GRIK3: variants seen among roughly 807,000 people sequenced by gnomAD.
The protein encoded by GRIK3 is glutamate ionotropic receptor kainate type subunit 3.
In GRIK3, 29 loss-of-function variants were observed where a neutral mutation model predicts 102.5. The ratio of observed to expected loss-of-function variants is 0.28; its 90% CI spans 0.21 to 0.39. The LOEUF is 0.39. GRIK3 is among the 10% of genes least tolerant of loss of function. The pLI, the probability that GRIK3 is intolerant of heterozygous loss-of-function variation, is 1.00. For missense variants in GRIK3, 908 were observed against 1,252.4 expected (o/e 0.73, Z 4.15); for synonymous variants, 511 against 504.9 (o/e 1.01, Z -0.16).
At position 36,891,511 on chromosome 1, in the gene GRIK3, A is replaced by G. The variant is rs184861406; in HGVS notation, c.116-415T>C. ...ATCAATAGTTCAAATAAGAAAAAAA[A>G]TATAATCAACTCACAAAATGCAAGA... On this transcript the variant is annotated intron_variant, in intron 1 of 15. Coordinates refer to ENST00000373091, the MANE Select transcript of GRIK3 (RefSeq NM_000831.4). Among the ~76,000 whole-genome samples, 149 of 152,380 alleles carry G rather than the reference A, an allele frequency of 9.8e-4. 1 individual carries two copies. The highest frequency in any genetic ancestry group is 3.6e-3 in the African/African-American group (148 of 41,592).
chr1:36,949,564 C>T (rs1181926356), intron 1 of GRIK3, among the ~76,000 whole-genome samples: 1 of 146,044 alleles, frequency 6.8e-6, no homozygotes, highest in African/African-American at 2.6e-5. Flanking sequence ...TTCTTTCTCT[C>T]TCTCTCTTTC....
chr1:36,967,935 C>T (rs72670044), intron 1 of GRIK3, among the ~76,000 whole-genome samples: 353 of 152,290 alleles, frequency 2.3e-3, no homozygotes, highest in Non-Finnish European at 3.8e-3. Flanking sequence ...GTAAGCCTGT[C>T]CTGAAGGACC....
rs1160200108 is a variant in GRIK3 at position 36,850,006 on chromosome 1, C to G, written c.1326+305G>C. On this transcript the variant is annotated intron_variant, in intron 9 of 15. Transcript: ENST00000373091. The surrounding 1 kb of genome is among the most constrained non-coding windows in gnomAD (Gnocchi z 4.0). ...CTGGGGTGGGAGAGGCGAATCCTCA[C>G]TCAGGTTGCAATGGGCTGTCAAACC... The G allele has an allele frequency of 3.3e-6, 1 of 299,056 alleles. No homozygotes were observed. The highest frequency in any genetic ancestry group is 7.8e-5 in the East Asian group (1 of 12,824). The allele number at this position is 299,056 out of a possible 1,614,324, so 18.5% of individuals were successfully genotyped here.
intron 1 of GRIK3, among the ~76,000 whole-genome samples, chr1:36,962,543 C>T (rs779509166): frequency 6.6e-6 from 1 of 151,664 alleles, no homozygotes; most frequent in African/African-American, 2.4e-5. Flanking sequence ...GACTCCTAAG[C>T]CAGGGCCCTG....
chr1:36,916,823 C>T (rs577557032), intron 1 of GRIK3, among the ~76,000 whole-genome samples: 11 of 152,288 alleles, frequency 7.2e-5, no homozygotes, highest in African/African-American at 2.4e-4. Flanking sequence ...AGAACCTCTG[C>T]TAGGGTAGCG....
intron 1 of GRIK3, among the ~76,000 whole-genome samples, chr1:36,921,275 C>T (rs141442748): frequency 1.1e-3 from 165 of 152,308 alleles, no homozygotes; most frequent in African/African-American, 3.8e-3. Context: ...AAGTAGGCTC[C>T]GCAGAGGTTC....
At chr1:36,896,148 G>A (rs941975470) in intron 1 of GRIK3, among the ~76,000 whole-genome samples, 3 of 152,016 alleles carry the variant, frequency 2.0e-5, no homozygotes, top group African/African-American at 2.4e-5. Flanking sequence ...TAGAGAGAAG[G>A]AAAATAATAT....
intron 1 of GRIK3, among the ~76,000 whole-genome samples, chr1:36,958,070 T>C (rs921716233): frequency 7.4e-6 from 1 of 135,082 alleles, no homozygotes; most frequent in African/African-American, 2.9e-5. Context: ...CGTGAGCCTG[T>C]GTGCTCTTTG....
chr1:37,018,529 C>T (rs1177533236), intron 1 of GRIK3, among the ~76,000 whole-genome samples: 1 of 152,182 alleles, frequency 6.6e-6, no homozygotes, highest in Non-Finnish European at 1.5e-5. Context: ...CTATAAACTG[C>T]ACAATGGGGA....
At chr1:36,954,657 G>A (rs1238561215) in intron 1 of GRIK3, among the ~76,000 whole-genome samples, 1 of 152,220 alleles carries the variant, frequency 6.6e-6, no homozygotes, top group African/African-American at 2.4e-5. Flanking sequence ...ATTACTGTAA[G>A]GAGGCTGGGG....
intron 3 of GRIK3, among the ~76,000 whole-genome samples, chr1:36,873,558 C>T (rs374888234): frequency 1.3e-5 from 2 of 152,134 alleles, no homozygotes; most frequent in East Asian, 3.9e-4. Flanking sequence ...GGGCCATCCC[C>T]TCCTGCTTGC....
chr1:36,947,874 T>A (rs1009667453), intron 1 of GRIK3, among the ~76,000 whole-genome samples: 1 of 152,030 alleles, frequency 6.6e-6, no homozygotes, highest in African/African-American at 2.4e-5. Flanking sequence ...CACAGTATGA[T>A]ACTTTGCTGC....
At chr1:36,874,344 A>G (rs1297016984) in intron 3 of GRIK3, among the ~76,000 whole-genome samples, 2 of 152,136 alleles carry the variant, frequency 1.3e-5, no homozygotes, top group Non-Finnish European at 2.9e-5. Context: ...TAAGCCTCCT[A>G]AAGAGCTTCC....
At chr1:36,936,108 C>T (rs1019979854) in intron 1 of GRIK3, among the ~76,000 whole-genome samples, 4 of 152,168 alleles carry the variant, frequency 2.6e-5, no homozygotes, top group African/African-American at 9.7e-5. Context: ...AACTTCCCAC[C>T]CCTTCTTTGT....
intron 13 of GRIK3, among the ~76,000 whole-genome samples, chr1:36,812,489 TACATATTTTTATAGCCAA>T (rs1250271564): frequency 6.6e-6 from 1 of 152,204 alleles, no homozygotes; most frequent in Non-Finnish European, 1.5e-5. Context: ...ACATTTTGCC[TACATATTTTTATAGCCAA>T]ACAGTGCTTT....
intron 5 of GRIK3, among the ~76,000 whole-genome samples, chr1:36,867,623 G>T (rs895841008): frequency 6.6e-6 from 1 of 151,964 alleles, no homozygotes; most frequent in Admixed American, 6.6e-5. Context: ...GGTGGGAGGG[G>T]TGTACAGAGA....
intron 1 of GRIK3, among the ~76,000 whole-genome samples, chr1:36,980,784 T>C (rs1642240912): frequency 1.3e-5 from 2 of 152,092 alleles, no homozygotes; most frequent in African/African-American, 4.8e-5. Flanking sequence ...AGAGAATCCC[T>C]TCCCAAGGAC....
chr1:36,834,696 T>G (rs980542452), intron 10 of GRIK3, among the ~76,000 whole-genome samples: 4 of 152,120 alleles, frequency 2.6e-5, no homozygotes, highest in African/African-American at 9.7e-5. Flanking sequence ...CAGGGCGCAC[T>G]CCAAAGGATG....
At chr1:36,852,030 GA>G (rs969773301) in intron 8 of GRIK3, among the ~76,000 whole-genome samples, 1 of 152,204 alleles carries the variant, frequency 6.6e-6, no homozygotes, top group African/African-American at 2.4e-5. Flanking sequence ...GCCAGAGGAG[GA>G]AGGGTGCTCT....
Sources: allele counts gnomAD v4.1 joint callset (sites outside exome capture counted in the v4.1 genomes callset), GRCh38; gene constraint gnomAD v4.1.1; non-coding constraint Gnocchi (gnomAD v3.1); transcripts MANE v1.5; gene names NCBI Gene and HGNC (gene_info 2026-07-23, HGNC 2026-07-21).